The following DIAPH1 variants were observed in gnomAD, a reference collection of about 807,000 sequenced individuals.
DIAPH1 encodes the protein diaphanous related formin 1.
A neutral mutation model predicts 140.7 loss-of-function variants in DIAPH1; 46 were observed. That is an observed-to-expected ratio of 0.33 (90% CI 0.26 to 0.42). The LOEUF (loss-of-function observed/expected upper bound fraction) is 0.42, where lower values mean the gene tolerates loss of function less well. Ranked by LOEUF, DIAPH1 falls within the 10% of genes least tolerant of loss-of-function variation. DIAPH1 has a pLI of 1.00. For synonymous variants in DIAPH1, 565 were observed against 551.6 expected, an observed-to-expected ratio of 1.02 and a Z score of -0.34; for missense variants, 1,310 against 1,558.7, an observed-to-expected ratio of 0.84 and a Z score of 2.69.
At position 141,580,842 on chromosome 5, in the gene DIAPH1, T is replaced by A. The variant is rs1204190364; in HGVS notation, c.726A>T (p.Leu242=). ...CAGGATCCATGGCTCTGACCAGCAG[T>A]AGGATTCCTTCTTCTGTCTCCAACA... ...KTMLETEEGI[L]LLVRAMDPAV... Residue 242 remains leucine, a synonymous_variant, in exon 8 of 28, where the codon CTA becomes CTT. Coordinates refer to ENST00000389054, the MANE Select transcript of DIAPH1 (RefSeq NM_005219.5). 5 of 1,614,052 alleles carry A rather than the reference T, an allele frequency of 3.1e-6. No homozygotes were observed. In the African/African-American group the frequency reaches 4.0e-5, roughly 13 times the overall value.
chr5:141,562,006 C>T (rs2099893617), intron 18 of DIAPH1: 1 of 152,216 alleles, frequency 6.6e-6, no homozygotes. Context: ...CGAGTGAAGT[C>T]TGGAAGGTCC....
intron 1 of DIAPH1, among the ~76,000 whole-genome samples, chr5:141,615,382 G>A (rs1167559510): frequency 2.8e-5 from 4 of 140,592 alleles, no homozygotes; most frequent in Non-Finnish European, 6.0e-5. Flanking sequence ...GCAGTGAGCC[G>A]AGATCGCGCC....
In DIAPH1 at chr5:141,576,870, G is replaced by A. The variant is rs2099896042; in HGVS notation, c.1282C>T (p.Pro428Ser). 3 of 1,547,564 alleles carry A rather than the reference G, an allele frequency of 1.9e-6. No homozygotes were observed. Among genetic ancestry groups the A allele is most frequent in the Non-Finnish European group, 2.7e-6 (3 of 1,119,584 alleles). ...TCTTCAATCAACTTATAGTACTGAG[G>A]TCTACAAGAGAATAAAAACAGGGTC... ...LLVRNDYEARPQYYKLIEECI... is the reference protein window; with the variant it reads ...LLVRNDYEARSQYYKLIEECI... Residue 428 changes from proline (P) to serine (S), a missense_variant and splice_region_variant, in exon 13 of 28, where the codon CCT becomes TCT. Physicochemically the swap from Pro to Ser is moderately conservative, Grantham distance 74. Coordinates refer to ENST00000389054, the MANE Select transcript of DIAPH1 (RefSeq NM_005219.5).
chr5:141,575,042 T>A lies in DIAPH1; in HGVS notation c.1566A>T (p.Ala522=), dbSNP rs1037202021. 1 of 1,614,172 alleles carries A rather than the reference T, an allele frequency of 6.2e-7. No homozygotes were observed. Residue 522 remains alanine, a synonymous_variant, in exon 15 of 28, where the codon GCA becomes GCT. Coordinates refer to ENST00000389054, the MANE Select transcript of DIAPH1 (RefSeq NM_005219.5). The part of the protein sequence containing the change: ...KLQDLQGEKD[A]LHSEKQQIAT... Reference sequence around the variant, plus strand: ...CAATTTGCTGCTTTTCAGAATGCAGTGCATCTTTTTCTCCCTGAAGATCTT... The same window carrying A: ...CAATTTGCTGCTTTTCAGAATGCAGAGCATCTTTTTCTCCCTGAAGATCTT...
intron 4 of DIAPH1, 32 bp downstream of exon 4, chr5:141,584,092 C>A: frequency 7.1e-7 from 1 of 1,400,104 alleles, no homozygotes; most frequent in Non-Finnish European, 1.0e-6. Context: ...GGCACAGTCT[C>A]CCATGTCATG....
intron 1 of DIAPH1, among the ~76,000 whole-genome samples, chr5:141,615,524 G>A (rs184874131): frequency 0.011 from 1,646 of 151,368 alleles, 18 homozygotes; most frequent in Non-Finnish European, 0.016. Context: ...GGCAGATCAC[G>A]AGGTCAGGAG....
intron 27 of DIAPH1, among the ~76,000 whole-genome samples, chr5:141,518,193 A>G (rs1562276081): frequency 6.6e-6 from 1 of 152,018 alleles, no homozygotes; most frequent in Non-Finnish European, 1.5e-5. Context: ...TCTTCTGGGG[A>G]TGATGAAACG....
intron 27 of DIAPH1, 136 bp downstream of exon 27, chr5:141,524,007 C>T: frequency 2.5e-6 from 2 of 805,124 alleles, no homozygotes; most frequent in Non-Finnish European, 4.4e-6. Flanking sequence ...AAGAAGAGGA[C>T]TAGATAATCC....
chr5:141,530,191 C>T (rs1450111940), intron 19 of DIAPH1, among the ~76,000 whole-genome samples: 2 of 152,168 alleles, frequency 1.3e-5, no homozygotes, highest in African/African-American at 4.8e-5. Context: ...TATCCTATTC[C>T]CTAACAAATA....
intron 18 of DIAPH1, among the ~76,000 whole-genome samples, chr5:141,545,917 C>T (rs559092143): frequency 2.6e-5 from 4 of 152,214 alleles, no homozygotes; most frequent in South Asian, 2.1e-4. Flanking sequence ...AGTGTTGGGA[C>T]GACTGGCTTT....
intron 1 of DIAPH1, among the ~76,000 whole-genome samples, chr5:141,591,051 G>A (rs993037779): frequency 3.3e-5 from 5 of 152,128 alleles, no homozygotes; most frequent in African/African-American, 4.8e-5. Context: ...CAAAATTCCT[G>A]TGCATGGCAT....
At chr5:141,597,297 A>C (rs188694690) in intron 1 of DIAPH1, among the ~76,000 whole-genome samples, 59 of 152,326 alleles carry the variant, frequency 3.9e-4, no homozygotes, top group Non-Finnish European at 3.8e-4. Flanking sequence ...TATACAAAGG[A>C]ATCAGAGCAG....
Position 141,527,586 on chromosome 5 carries a change from A to G in DIAPH1, c.3260T>C (p.Val1087Ala), listed in dbSNP as rs768807156. 6.2e-7 allele frequency: 1 copy of G among 1,613,688 alleles called. No homozygotes were observed. The highest frequency in any genetic ancestry group is 8.5e-7 in the Non-Finnish European group (1 of 1,179,948). Residue 1087 changes from valine (V) to alanine (A), a missense_variant, in exon 24 of 28, where the codon GTT (valine) becomes GCT (alanine). Val to Ala is a moderately conservative substitution (Grantham distance 64). Coordinates refer to ENST00000389054, the MANE Select transcript of DIAPH1 (RefSeq NM_005219.5). ...PAATDEKDKF[V>A]EKMTSFVKDA... ...AAGAGAGGATATGGTCATTTTTTCA[A>G]CAAACTTGTCTTTTTCATCTGTGGC...
Position 141,596,085 on chromosome 5 carries a change from T to G in DIAPH1, c.118-7835A>C, listed in dbSNP as rs1347354438. On this transcript the variant is annotated intron_variant, in intron 1 of 27. Transcript: ENST00000389054. The stretch of plus-strand genomic sequence containing the variant: ...TGGCTCACGCCTGTAATCCCAGCAC[T>G]TTGGGAGGCTGAGGCAGGTGGATTG... Among the ~76,000 whole-genome samples, 3 of 152,216 alleles carry G rather than the reference T, an allele frequency of 2.0e-5. No homozygotes were observed. The East Asian group carries it at 5.8e-4, about 29-fold the overall frequency.
intron 18 of DIAPH1, among the ~76,000 whole-genome samples, chr5:141,556,699 A>G (rs2099892642): frequency 6.6e-6 from 1 of 151,832 alleles, no homozygotes; most frequent in Admixed American, 6.6e-5. Flanking sequence ...TTATTTATTT[A>G]TTTATTTTTT....
In DIAPH1 at chr5:141,618,825, G is replaced by A; in HGVS notation, c.90C>T (p.Gly30=). 6.5e-7 allele frequency: 1 copy of A among 1,545,536 alleles called. No homozygotes were observed. Among genetic ancestry groups the A allele is most frequent in the Non-Finnish European group, 8.7e-7 (1 of 1,145,264 alleles). ...GRSPDELPSA[G]GDGGKSKKFT... ...ATTTCTTAGATTTGCCGCCGTCGCC[G>A]CCCGCCGAGGGCAGCTCATCTGGGC... The change falls in exon 1 of 28, where the codon GGC becomes GGT. Residue 30 remains glycine, a synonymous_variant. Coordinates refer to ENST00000389054, the MANE Select transcript of DIAPH1 (RefSeq NM_005219.5).
At chr5:141,566,411 T>G (rs1369390460) in intron 18 of DIAPH1, among the ~76,000 whole-genome samples, 1 of 152,138 alleles carries the variant, frequency 6.6e-6, no homozygotes, top group Non-Finnish European at 1.5e-5. Flanking sequence ...GTAACACGGG[T>G]GTCAGTAGAT....
intron 9 of DIAPH1, 134 bp from the exon 10 acceptor site, chr5:141,578,759 T>C: frequency 2.7e-6 from 2 of 742,998 alleles, no homozygotes; most frequent in Non-Finnish European, 4.6e-6. Flanking sequence ...ATGACTTTTC[T>C]ACTATAGCAA....
chr5:141,611,034 T>C (rs538223453), intron 1 of DIAPH1, among the ~76,000 whole-genome samples: 3 of 151,924 alleles, frequency 2.0e-5, no homozygotes, highest in Non-Finnish European at 4.4e-5. Context: ...ATGCTGCAAC[T>C]GAGTTGTCAT....
Sources: allele counts gnomAD v4.1 joint callset (sites outside exome capture counted in the v4.1 genomes callset), GRCh38; gene constraint gnomAD v4.1.1; transcripts MANE v1.5; gene names NCBI Gene and HGNC (gene_info 2026-07-23, HGNC 2026-07-21).